Variants in CSMD2 observed in about 807,000 individuals in gnomAD.
CSMD2 encodes the protein CUB and sushi domain-containing protein 2.
A neutral mutation model predicts 398.5 loss-of-function variants in CSMD2; 130 were observed. That is an observed-to-expected ratio of 0.33 (90% CI 0.28 to 0.38). The LOEUF is 0.38. CSMD2 is among the 10% of genes least tolerant of loss of function. The pLI, the probability that CSMD2 is intolerant of heterozygous loss-of-function variation, is 1.00. For synonymous variants in CSMD2, 1,828 were observed against 1,908.5 expected (o/e 0.96, Z 1.10); for missense variants, 3,829 against 4,764.9 (o/e 0.80, Z 5.78).
At chr1:33,774,109 GTGTGTGTGTGTGT>G (rs2149332721) in intron 12 of CSMD2, among the ~76,000 whole-genome samples, 1 of 34,268 alleles carries the variant, frequency 2.9e-5, no homozygotes, top group African/African-American at 1.2e-4. Flanking sequence ...GGCTGGGATT[GTGTGTGTGTGTGT>G]GTGTGTGTGT....
intron 5 of CSMD2, among the ~76,000 whole-genome samples, chr1:33,855,932 TA>T (rs1460791293): frequency 6.6e-6 from 1 of 152,224 alleles, no homozygotes; most frequent in East Asian, 1.9e-4. Flanking sequence ...TTAAAAAGGT[TA>T]AGGGTTAAGG....
chr1:33,731,739 T>C (rs1646726910), intron 15 of CSMD2, among the ~76,000 whole-genome samples: 1 of 152,254 alleles, frequency 6.6e-6, no homozygotes, highest in South Asian at 2.1e-4. Context: ...GACTTAAAAA[T>C]ACTATCAAAG....
chr1:34,058,110 T>C (rs2148250134), intron 2 of CSMD2, among the ~76,000 whole-genome samples: 1 of 152,270 alleles, frequency 6.6e-6, no homozygotes, highest in East Asian at 1.9e-4. Context: ...GACAACTCCA[T>C]TTGCCAAGGA....
At chr1:33,941,750 T>C (rs1322016995) in intron 3 of CSMD2, among the ~76,000 whole-genome samples, 1 of 152,200 alleles carries the variant, frequency 6.6e-6, no homozygotes, top group Admixed American at 6.5e-5. Flanking sequence ...TCAAGTGCTT[T>C]TCATATATTT....
chr1:34,161,151 C>A (rs1456384856), intron 1 of CSMD2, among the ~76,000 whole-genome samples: 7 of 152,036 alleles, frequency 4.6e-5, no homozygotes, highest in Non-Finnish European at 8.8e-5. Flanking sequence ...AACTGGGAGG[C>A]TACAGGAACC....
In CSMD2 at chr1:33,518,952, A is replaced by C. The variant is rs933093589; in HGVS notation, c.*53+513T>G. 6.6e-6 allele frequency among the ~76,000 whole-genome samples: 1 copy of C among 152,190 alleles called. No homozygotes were observed. The highest frequency in any genetic ancestry group is 1.5e-5 in the Non-Finnish European group (1 of 68,042). ...TATGTATTGCGTTTATAGTGTATGA[A>C]TGTATATATATACACAATATACCTA... On this transcript the variant is annotated intron_variant, in intron 70 of 70. Transcript: ENST00000373381. This position sits in a 1 kb window ranked among gnomAD's most constrained non-coding sequence, Gnocchi z 4.3.
At chr1:33,629,733 A>G (rs1220377183) in intron 32 of CSMD2, among the ~76,000 whole-genome samples, 2 of 148,906 alleles carry the variant, frequency 1.3e-5, no homozygotes, top group African/African-American at 2.5e-5. Context: ...ACTGATATTG[A>G]TATCTACAGG....
Position 34,165,115 on chromosome 1 carries a change from C to G in CSMD2, c.-18G>C. 8.2e-7 allele frequency: 1 copy of G among 1,214,090 alleles called. No homozygotes were observed. The highest frequency in any genetic ancestry group is 1.0e-6 in the Non-Finnish European group (1 of 976,416). 75.2% of individuals were successfully genotyped at this position (1,214,090 alleles called of 1,614,324 possible). ...CGCGGCATGGCGCGGCCGGCAGCGC[C>G]GAGGGAGAGGCTCCGCTCGCCGCCG... On this transcript the variant is annotated 5_prime_UTR_variant, in exon 1 of 71. Coordinates refer to ENST00000373381, the MANE Select transcript of CSMD2 (RefSeq NM_001281956.2).
chr1:33,821,961 C>G (rs947853342), intron 7 of CSMD2, among the ~76,000 whole-genome samples: 9 of 151,962 alleles, frequency 5.9e-5, no homozygotes, highest in African/African-American at 2.2e-4. Flanking sequence ...TGCAGTGTGA[C>G]CAGAGTAGGA....
In CSMD2 at chr1:34,163,422, C is replaced by T. The variant is rs1641544509; in HGVS notation, c.187+1489G>A. On this transcript the variant is annotated intron_variant, in intron 1 of 70. Coordinates refer to ENST00000373381, the MANE Select transcript of CSMD2 (RefSeq NM_001281956.2). The surrounding 1 kb of genome is among the most constrained non-coding windows in gnomAD (Gnocchi z 5.4). ...TCCCGTCAGCTAGGAATGAGAGAGC[C>T]AGAGCTGGCTCGGGGCGCCCTCCCT... 6.6e-6 allele frequency among the ~76,000 whole-genome samples: 1 copy of T among 152,188 alleles called. No homozygotes were observed. Among genetic ancestry groups the T allele is most frequent in the Non-Finnish European group, 1.5e-5 (1 of 68,044 alleles).
intron 44 of CSMD2, among the ~76,000 whole-genome samples, chr1:33,598,000 A>T (rs572381057): frequency 6.6e-6 from 1 of 152,376 alleles, no homozygotes; most frequent in African/African-American, 2.4e-5. Flanking sequence ...TTGTCTTTAC[A>T]TAACAGAAAT....
At chr1:33,618,952 C>T (rs1015754933) in intron 37 of CSMD2, among the ~76,000 whole-genome samples, 4 of 152,146 alleles carry the variant, frequency 2.6e-5, no homozygotes, top group Admixed American at 1.3e-4. Flanking sequence ...TAAAACAGTC[C>T]TCATCCTGCT....
At chr1:33,854,874 T>C (rs1219334198) in intron 5 of CSMD2, among the ~76,000 whole-genome samples, 1 of 152,184 alleles carries the variant, frequency 6.6e-6, no homozygotes, top group African/African-American at 2.4e-5. Flanking sequence ...GGATGAGGGC[T>C]TCCTCACCAA....
rs1457645368 is a variant in CSMD2, at chr1:33,523,289, TGA to T, written c.10509+16_10509+17del. ...GTGATCTGGGAGTCAGGGGAGGAGGTGAGTTTGCTGAACTTACATGGCCATCT... is the reference window on the plus strand; with the variant it reads ...GTGATCTGGGAGTCAGGGGAGGAGGTGTTTGCTGAACTTACATGGCCATCT... On this transcript the variant is annotated intron_variant, in intron 67 of 70. Coordinates refer to ENST00000373381, the MANE Select transcript of CSMD2 (RefSeq NM_001281956.2). 2.6e-6 allele frequency: 3 copies of T among 1,163,506 alleles called. No individual in the cohort carries two copies. The highest frequency in any genetic ancestry group is 1.7e-5 in the Admixed American group (1 of 58,016). The allele number at this position is 1,163,506 out of a possible 1,614,324, so 72.1% of individuals were successfully genotyped here. A position where few individuals can be genotyped will look rare whatever the true frequency, so the allele number is the denominator to read the frequency against.
Position 33,658,015 on chromosome 1 carries a change from T to C in CSMD2, c.4378A>G (p.Ser1460Gly). 1 of 1,614,212 alleles carries C rather than the reference T, an allele frequency of 6.2e-7. No homozygotes were observed. Among genetic ancestry groups the C allele is most frequent in the East Asian group, 2.2e-5 (1 of 44,890 alleles). ...ATCTTCACACAGCTGATCTCTGCAC[T>C]TCCCTGCAGCGCGTAGCCAGGGTCA... is the stretch of plus-strand genomic sequence containing the variant. ...QCDPGYALQG[S>G]AEISCVKIEN... Residue 1460 changes from serine to glycine, a missense_variant, in exon 27 of 71, where the codon AGT (serine) becomes GGT (glycine). Ser to Gly is a moderately conservative substitution (Grantham distance 56). Transcript: ENST00000373381.
intron 7 of CSMD2, among the ~76,000 whole-genome samples, chr1:33,821,242 G>A (rs558452968): frequency 3.6e-4 from 55 of 152,282 alleles, no homozygotes; most frequent in Admixed American, 1.2e-3. Context: ...ACTTGCCAGC[G>A]CCAGAGTCCT....
intron 4 of CSMD2, among the ~76,000 whole-genome samples, chr1:33,930,625 T>C (rs553458080): frequency 6.6e-6 from 1 of 152,202 alleles, no homozygotes; most frequent in African/African-American, 2.4e-5. Context: ...CATGCAGCCT[T>C]CTTTGATCCA....
intron 13 of CSMD2, among the ~76,000 whole-genome samples, chr1:33,745,517 A>C (rs1647275962): frequency 6.6e-6 from 1 of 152,194 alleles, no homozygotes; most frequent in South Asian, 2.1e-4. Context: ...TAATAAAATC[A>C]TGTTTGCCAA....
At chr1:33,692,733 C>G (rs1645282205) in intron 25 of CSMD2, among the ~76,000 whole-genome samples, 197 bp downstream of exon 25, 1 of 152,190 alleles carries the variant, frequency 6.6e-6, no homozygotes, top group East Asian at 1.9e-4. Context: ...GGTGTATGGA[C>G]TTGGCATGAA....
Sources: gnomAD v4.1 joint callset for allele counts (sites outside exome capture counted in the v4.1 genomes callset) on GRCh38, gnomAD v4.1.1 for gene constraint, Gnocchi (gnomAD v3.1) non-coding constraint, MANE v1.5 for transcripts, NCBI Gene and HGNC (gene_info 2026-07-23, HGNC 2026-07-21) for gene names.